The following RBFOX1 variants were observed in gnomAD, a reference collection of about 807,000 sequenced individuals.
RBFOX1 encodes the protein RNA binding protein fox-1 homolog 1.
In RBFOX1, 8 loss-of-function variants were observed where a neutral mutation model predicts 57.7. The observed-to-expected ratio is 0.14, with a 90% CI of 0.08 to 0.25. The LOEUF is 0.25. Ranked by LOEUF, RBFOX1 falls within the 10% of genes least tolerant of loss-of-function variation. RBFOX1 has a pLI of 1.00. For synonymous variants in RBFOX1, 326 were observed against 222.4 expected (o/e 1.47, Z -4.15); for missense variants, 611 against 548.5 (o/e 1.11, Z -1.14).
At chr16:6,479,732 C>T (rs1045101530) in intron 2 of RBFOX1, among the ~76,000 whole-genome samples, 18 of 151,938 alleles carry the variant, frequency 1.2e-4, no homozygotes, top group Admixed American at 9.2e-4. Flanking sequence ...GGAATTATGG[C>T]CTCTTACAGA....
chr16:6,268,075 G>A (rs539313459), intron 1 of RBFOX1, among the ~76,000 whole-genome samples: 2 of 152,238 alleles, frequency 1.3e-5, no homozygotes, highest in African/African-American at 2.4e-5. Context: ...TGTATTAATG[G>A]CCTTGCACTG....
At chr16:6,351,682 T>A (rs1002882166) in intron 2 of RBFOX1, among the ~76,000 whole-genome samples, 3 of 152,112 alleles carry the variant, frequency 2.0e-5, no homozygotes, top group African/African-American at 7.2e-5. Context: ...CCTAAGGGAA[T>A]GTTTTCATGT....
At chr16:6,065,118 C>A (rs941721276) in intron 1 of RBFOX1, among the ~76,000 whole-genome samples, 1 of 151,728 alleles carries the variant, frequency 6.6e-6, no homozygotes, top group Non-Finnish European at 1.5e-5. Context: ...GCCTTGACCT[C>A]CCGGGCTCAA....
chr16:7,112,664 C>CTATGTGTG (rs1567304707), intron 4 of RBFOX1, among the ~76,000 whole-genome samples: 1 of 5,616 alleles, frequency 1.8e-4, no homozygotes, highest in Non-Finnish European at 2.6e-4. Context: ...TATGTAAACT[C>CTATGTGTG]TGTGTGTGTG....
intron 3 of RBFOX1, among the ~76,000 whole-genome samples, chr16:6,830,745 A>T (rs990481815): frequency 6.6e-6 from 1 of 152,172 alleles, no homozygotes; most frequent in African/African-American, 2.4e-5. Context: ...TACTCTTTGC[A>T]TTCTGGTAAT....
chr16:6,824,519 A>G (rs1042899826), intron 3 of RBFOX1, among the ~76,000 whole-genome samples: 1 of 152,184 alleles, frequency 6.6e-6, no homozygotes, highest in African/African-American at 2.4e-5. Context: ...TTTTTTAAAA[A>G]TTAACATGTT....
At chr16:5,472,136 G>A (rs530703894) in intron 2 of RBFOX1, among the ~76,000 whole-genome samples, 75 of 152,130 alleles carry the variant, frequency 4.9e-4, no homozygotes, top group African/African-American at 1.7e-3. Context: ...TTATTATCAC[G>A]GCTCTCTCCC....
At chr16:7,532,352 G>T (rs1264910678) in intron 5 of RBFOX1, among the ~76,000 whole-genome samples, 1 of 152,132 alleles carries the variant, frequency 6.6e-6, no homozygotes, top group Non-Finnish European at 1.5e-5. Context: ...GGGGAGATGA[G>T]CCCCAGAGAG....
At chr16:6,793,271 C>T (rs546374279) in intron 3 of RBFOX1, among the ~76,000 whole-genome samples, 4 of 152,096 alleles carry the variant, frequency 2.6e-5, no homozygotes, top group African/African-American at 9.7e-5. Context: ...GAAATGTGGT[C>T]CCCCTGTTAG....
intron 4 of RBFOX1, among the ~76,000 whole-genome samples, chr16:7,201,681 C>T (rs976414536): frequency 6.6e-6 from 1 of 152,036 alleles, no homozygotes; most frequent in African/African-American, 2.4e-5. Flanking sequence ...CTAGGCTGGT[C>T]TTGAATCCAG....
rs117522138 is a variant in RBFOX1 at position 6,305,400 on chromosome 16, A to T, written c.-126-11595A>T. ...GTGCATGACACAGAGTTAACATGAG[A>T]TGCTCCTCCTCCTCCTTCTTTTTCC... On this transcript the variant is annotated intron_variant, in intron 1 of 15. Transcript: ENST00000550418. Among the ~76,000 whole-genome samples, 700 of 152,244 alleles carry T rather than the reference A, an allele frequency of 4.6e-3. 5 individuals carry two copies. Among genetic ancestry groups the T allele is most frequent in the Non-Finnish European group, 8.0e-3 (543 of 68,026 alleles).
rs775736061 is a variant in RBFOX1, at chr16:6,658,936, G to GTTTTTTTGTTTTTTTGT, written c.-16+4293_-16+4294insGTTTTTTTGTTTTTTTT. 2.8e-5 allele frequency among the ~76,000 whole-genome samples: 3 copies of GTTTTTTTGTTTTTTTGT among 108,486 alleles called. 1 individual carries two copies. Among genetic ancestry groups the GTTTTTTTGTTTTTTTGT allele is most frequent in the Non-Finnish European group, 6.1e-5 (3 of 49,378 alleles). The allele number at this position is 108,486 out of a possible 152,430, so 71.2% of individuals were successfully genotyped here. A position where few individuals can be genotyped will look rare whatever the true frequency, so the allele number is the denominator to read the frequency against. On this transcript the variant is annotated intron_variant, in intron 3 of 15. Transcript: ENST00000550418. ...TGTTTTTTTGTTTTTTGGTTTTTTTGTTTTTTTTGTTTTTTTTTTTCCTCC... is the reference window on the plus strand; with the variant it reads ...TGTTTTTTTGTTTTTTGGTTTTTTTGTTTTTTTGTTTTTTTGTTTTTTTTTGTTTTTTTTTTTCCTCC...
chr16:6,186,967 T>C (rs533402358), intron 1 of RBFOX1, among the ~76,000 whole-genome samples: 1 of 152,294 alleles, frequency 6.6e-6, no homozygotes, highest in African/African-American at 2.4e-5. Flanking sequence ...TGAAGCTCCA[T>C]TGATCTCTTT....
intron 4 of RBFOX1, among the ~76,000 whole-genome samples, chr16:7,293,897 C>A (rs1481489610): frequency 1.3e-5 from 2 of 151,912 alleles, no homozygotes; most frequent in African/African-American, 2.4e-5. Context: ...AGGATGAGAC[C>A]CTGGGAAGGT....
chr16:5,807,942 C>G (rs1489000326), intron 3 of RBFOX1, among the ~76,000 whole-genome samples: 1 of 152,194 alleles, frequency 6.6e-6, no homozygotes, highest in African/African-American at 2.4e-5. Context: ...AACCTTGTAT[C>G]TGGGGTTATT....
intron 15 of RBFOX1, chr16:7,710,134 C>G (rs2083740712): frequency 9.8e-7 from 1 of 1,020,798 alleles, no homozygotes; most frequent in South Asian, 4.0e-5. Flanking sequence ...TACAACTCCA[C>G]AACTCCCTTC....
chr16:6,952,168 A>C (rs562755038), intron 3 of RBFOX1, among the ~76,000 whole-genome samples: 1 of 152,182 alleles, frequency 6.6e-6, no homozygotes, highest in South Asian at 2.1e-4. Flanking sequence ...TGAAGGCTCT[A>C]TGTGGCACTC....
At chr16:6,368,070 C>A (rs1327152159) in intron 2 of RBFOX1, among the ~76,000 whole-genome samples, 1 of 152,170 alleles carries the variant, frequency 6.6e-6, no homozygotes, top group Admixed American at 6.5e-5. Flanking sequence ...CACAGGCTCT[C>A]TGAAGTTGTT....
chr16:5,906,929 G>T (rs1033083678), intron 4 of RBFOX1, among the ~76,000 whole-genome samples: 1 of 151,724 alleles, frequency 6.6e-6, no homozygotes, highest in African/African-American at 2.4e-5. Context: ...TAGAGACAGG[G>T]TTTCAACATG....
Sources: gnomAD v4.1 joint callset for allele counts (sites outside exome capture counted in the v4.1 genomes callset) on GRCh38, gnomAD v4.1.1 for gene constraint, MANE v1.5 for transcripts, NCBI Gene and HGNC (gene_info 2026-07-23, HGNC 2026-07-21) for gene names.